The following NR3C1 variants were observed in gnomAD, a reference collection of about 807,000 sequenced individuals.
NR3C1 encodes nuclear receptor subfamily 3 group C member 1, also known as glucocorticoid receptor.
Under a neutral mutation model 74.0 loss-of-function variants are expected in NR3C1, and 14 were observed. The ratio of observed to expected loss-of-function variants is 0.19; its 90% CI spans 0.12 to 0.30. The LOEUF is 0.30. Ranked by LOEUF, NR3C1 falls within the 10% of genes least tolerant of loss-of-function variation. NR3C1 has a pLI of 1.00. For missense variants in NR3C1, 695 were observed against 909.8 expected (o/e 0.76, Z 3.04); for synonymous variants, 308 against 332.5 (o/e 0.93, Z 0.80).
intron 1 of NR3C1, among the ~76,000 whole-genome samples, chr5:143,410,668 A>G (rs1021179480): frequency 6.6e-6 from 1 of 152,200 alleles, no homozygotes; most frequent in Admixed American, 6.5e-5. Flanking sequence ...ATCACACAGG[A>G]AGTAATGTAG....
intron 2 of NR3C1, among the ~76,000 whole-genome samples, chr5:143,326,344 C>T (rs529937721): frequency 6.6e-6 from 1 of 152,266 alleles, no homozygotes; most frequent in South Asian, 2.1e-4. Flanking sequence ...ATCTATCCTG[C>T]CCCTTCTATC....
At chr5:143,391,520 T>C (rs1838217349) in intron 2 of NR3C1, among the ~76,000 whole-genome samples, 2 of 152,214 alleles carry the variant, frequency 1.3e-5, no homozygotes, top group South Asian at 2.1e-4. Context: ...TACTTGATTA[T>C]ATAAAAATAT....
chr5:143,359,164 C>A (rs1354966629), intron 2 of NR3C1, among the ~76,000 whole-genome samples: 1 of 152,164 alleles, frequency 6.6e-6, no homozygotes, highest in Admixed American at 6.5e-5. Context: ...TCACTGTGTC[C>A]CCATTAACAG....
At chr5:143,376,506 T>TTTTGGCTTTATTA (rs1214131295) in intron 2 of NR3C1, among the ~76,000 whole-genome samples, 1 of 152,220 alleles carries the variant, frequency 6.6e-6, no homozygotes, top group Non-Finnish European at 1.5e-5. Context: ...GGCCTGCTGC[T>TTTTGGCTTTATTA]TTTGGCTTTA....
chr5:143,366,293 G>C (rs1269843602), intron 2 of NR3C1, among the ~76,000 whole-genome samples: 1 of 152,132 alleles, frequency 6.6e-6, no homozygotes, highest in African/African-American at 2.4e-5. Flanking sequence ...CAGATCACCT[G>C]AGGTCAGGAG....
At chr5:143,299,005 G>GTTTTT (rs35039262) in intron 5 of NR3C1, among the ~76,000 whole-genome samples, 193 bp from the exon 6 acceptor site, 14 of 106,708 alleles carry the variant, frequency 1.3e-4, no homozygotes, top group South Asian at 7.1e-4. Flanking sequence ...ACCCTCTTGT[G>GTTTTT]TTTTTTTTTT....
intron 1 of NR3C1, among the ~76,000 whole-genome samples, chr5:143,434,143 T>C (rs1752007124): frequency 6.6e-6 from 1 of 152,216 alleles, no homozygotes; most frequent in Admixed American, 6.5e-5. Flanking sequence ...ATCACTCTTC[T>C]AGCCTCTCAT....
At chr5:143,290,496 C>CT (rs1247567326) in intron 7 of NR3C1, among the ~76,000 whole-genome samples, 3 of 152,270 alleles carry the variant, frequency 2.0e-5, no homozygotes, top group East Asian at 3.9e-4. Flanking sequence ...TCAGATATAG[C>CT]TTTTTTTAAA....
At position 143,282,487 on chromosome 5, in the gene NR3C1, C is replaced by T. The variant is rs72481854; in HGVS notation, c.2181+81G>A. 1,204 of 1,538,190 alleles carry T rather than the reference C, an allele frequency of 7.8e-4. 17 individuals carry two copies. The East Asian group carries it at 0.019, about 24-fold the overall frequency. Reference sequence around the variant, plus strand: ...ACTGGGGGCGGGGGTGGGGGCGCTGCTGGTATATAATTATATTCACTAATC... The same window carrying T: ...ACTGGGGGCGGGGGTGGGGGCGCTGTTGGTATATAATTATATTCACTAATC... On this transcript the variant is annotated intron_variant, in intron 8 of 8. Coordinates refer to ENST00000394464, the MANE Select transcript of NR3C1 (RefSeq NM_000176.3).
At chr5:143,372,883 C>T (rs1374850368) in intron 2 of NR3C1, among the ~76,000 whole-genome samples, 2 of 151,900 alleles carry the variant, frequency 1.3e-5, no homozygotes, top group Non-Finnish European at 2.9e-5. Context: ...TCCAGAATAC[C>T]AAAAAAAGTT....
chr5:143,353,843 G>T (rs1561649074), intron 2 of NR3C1, among the ~76,000 whole-genome samples: 1 of 152,106 alleles, frequency 6.6e-6, no homozygotes, highest in Non-Finnish European at 1.5e-5. Flanking sequence ...AACTACATTA[G>T]CCCCTAACAA....
Position 143,279,546 on chromosome 5 carries a change from C to A in NR3C1, c.*2343G>T. 1.3e-6 allele frequency: 1 copy of A among 777,146 alleles called. No individual in the cohort carries two copies. The highest frequency in any genetic ancestry group is 1.9e-6 in the Non-Finnish European group (1 of 536,682). The allele number at this position is 777,146 out of a possible 1,614,324, so 48.1% of individuals were successfully genotyped here. A position where few individuals can be genotyped will look rare whatever the true frequency, so the allele number is the denominator to read the frequency against. ...GGTTACACACCATCTTAAAATATTA[C>A]ATTCCCTTTTAGAGAGCATTCAAAA... On this transcript the variant is annotated 3_prime_UTR_variant, in exon 9 of 9. Transcript: ENST00000394464.
chr5:143,424,244 G>A (rs936332782), intron 1 of NR3C1, among the ~76,000 whole-genome samples: 281 of 149,146 alleles, frequency 1.9e-3, no homozygotes, highest in African/African-American at 6.8e-3. Flanking sequence ...TAAAAAAGAG[G>A]GGTGTTTAAT....
intron 7 of NR3C1, 63 bp downstream of exon 7, chr5:143,295,397 C>A: frequency 6.3e-7 from 1 of 1,595,628 alleles, no homozygotes; most frequent in South Asian, 1.1e-5. Context: ...TATAAATTAA[C>A]CTTTGTTTCT....
chr5:143,414,703 T>C (rs1841423299), intron 1 of NR3C1, among the ~76,000 whole-genome samples: 1 of 152,210 alleles, frequency 6.6e-6, no homozygotes, highest in Non-Finnish European at 1.5e-5. Context: ...TTTGTCTTTG[T>C]TATGACCCAG....
intron 2 of NR3C1, among the ~76,000 whole-genome samples, chr5:143,320,563 A>C (rs912469186): frequency 2.0e-5 from 3 of 152,194 alleles, no homozygotes; most frequent in Non-Finnish European, 2.9e-5. Context: ...GATTTAATTA[A>C]CTCCAAATAA....
intron 2 of NR3C1, among the ~76,000 whole-genome samples, chr5:143,369,759 G>A (rs1301092918): frequency 1.3e-5 from 2 of 152,244 alleles, no homozygotes; most frequent in South Asian, 2.1e-4. Flanking sequence ...AATGTCAATA[G>A]TCCAGAGGTT....
At chr5:143,402,105 C>T (rs1314864074) in intron 1 of NR3C1, among the ~76,000 whole-genome samples, 1 of 152,188 alleles carries the variant, frequency 6.6e-6, no homozygotes, top group African/African-American at 2.4e-5. Flanking sequence ...GGGGTGTGGA[C>T]TTGCCACTAC....
intron 2 of NR3C1, among the ~76,000 whole-genome samples, chr5:143,337,403 G>A (rs1199057519): frequency 6.6e-6 from 1 of 152,148 alleles, no homozygotes; most frequent in East Asian, 1.9e-4. Flanking sequence ...AGACAGTTTG[G>A]TATTATCCAG....
Sources: allele counts gnomAD v4.1 joint callset (sites outside exome capture counted in the v4.1 genomes callset), GRCh38; gene constraint gnomAD v4.1.1; transcripts MANE v1.5; gene names NCBI Gene and HGNC (gene_info 2026-07-23, HGNC 2026-07-21).